The following ABHD4 variants were observed in gnomAD, a reference collection of about 807,000 sequenced individuals.
The protein encoded by ABHD4 is abhydrolase domain containing 4, N-acyl phospholipase B, also known as (Lyso)-N-acylphosphatidylethanolamine lipase.
Under a neutral mutation model 42.3 loss-of-function variants are expected in ABHD4, and 35 were observed. The ratio of observed to expected loss-of-function variants is 0.83; its 90% CI spans 0.63 to 1.10. The LOEUF (loss-of-function observed/expected upper bound fraction) is 1.10, where lower values mean the gene tolerates loss of function less well. Among genes scored for constraint, ABHD4 ranks in the 50% least tolerant of loss-of-function variants. ABHD4 has a pLI of 0.00. For synonymous variants in ABHD4, 169 were observed against 170.6 expected, an observed-to-expected ratio of 0.99 and a Z score of 0.07; for missense variants, 389 against 454.8, an observed-to-expected ratio of 0.86 and a Z score of 1.32.
intron 1 of ABHD4, 58 bp downstream of exon 1, chr14:22,598,387 G>A (rs149439691): frequency 0.03 from 46,319 of 1,551,362 alleles, 804 homozygotes; most frequent in Non-Finnish European, 0.036. Flanking sequence ...CATGATCCTG[G>A]GACTGTCTGT....
chr14:22,611,019 C>T lies in ABHD4; in HGVS notation c.*71C>T, dbSNP rs556010880. The T allele has an allele frequency of 5.6e-5, 78 of 1,383,622 alleles. No homozygotes were observed. In the African/African-American group the frequency reaches 6.7e-4, roughly 12 times the overall value. 85.7% of individuals were successfully genotyped at this position (1,383,622 alleles called of 1,614,324 possible). ...ACCTCCCTGTCTGCTTACTCACCCA[C>T]TCTGTCCTTTCCTCACCAACTAACA... On this transcript the variant is annotated 3_prime_UTR_variant, in exon 7 of 7. Transcript: ENST00000428304.
At chr14:22,598,588 G>GC in intron 1 of ABHD4, 1 of 929,012 alleles carries the variant, frequency 1.1e-6, no homozygotes, top group Non-Finnish European at 1.6e-6. Flanking sequence ...CCTCGCGAGT[G>GC]CCCCTCATTC....
chr14:22,606,886 G>A (rs948259649), intron 5 of ABHD4, among the ~76,000 whole-genome samples: 5 of 150,882 alleles, frequency 3.3e-5, no homozygotes, highest in African/African-American at 1.2e-4. Context: ...TCTTTTTTTA[G>A]GTCAAAAATA....
At chr14:22,603,244 T>C in intron 2 of ABHD4, 146 bp from the exon 3 acceptor site, 2 of 1,011,352 alleles carry the variant, frequency 2.0e-6, no homozygotes, top group Middle Eastern at 3.1e-4. Flanking sequence ...TTGTTTTCAG[T>C]GGTCAGAGGG....
At chr14:22,601,791 T>C (rs193269446) in intron 2 of ABHD4, 36 bp downstream of exon 2, 3 of 1,581,554 alleles carry the variant, frequency 1.9e-6, no homozygotes, top group South Asian at 2.2e-5. Flanking sequence ...ACCTCCCTCA[T>C]GGAGCCCAAG....
At position 22,603,778 on chromosome 14, in the gene ABHD4, C is replaced by T; in HGVS notation, c.485+16C>T. ...ACCCTGATAGGTAATAAGGAGATGG[C>T]TCCATCCCTCGTGACCTAATTCCTG... On this transcript the variant is annotated intron_variant, in intron 3 of 6. Coordinates refer to ENST00000428304, the MANE Select transcript of ABHD4 (RefSeq NM_022060.3). 1 of 1,564,530 alleles carries T rather than the reference C, an allele frequency of 6.4e-7. No homozygotes were observed.
Position 22,603,950 on chromosome 14 carries a change from C to T in ABHD4, c.511C>T (p.Pro171Ser). 6.2e-7 allele frequency: 1 copy of T among 1,614,168 alleles called. No individual in the cohort carries two copies. Among genetic ancestry groups the T allele is most frequent in the Non-Finnish European group, 8.5e-7 (1 of 1,180,026 alleles). The change falls in exon 4 of 7, where the codon CCA becomes TCA. Residue 171 changes from proline to serine, a missense_variant. Physicochemically the swap from Pro to Ser is moderately conservative, Grantham distance 74 (BLOSUM62 -1). This residue lies in a region of ABHD4 where 249 missense variants were observed against 254.4 expected (regional missense o/e 0.98). Transcript: ENST00000428304. ...DRVKHLILVDPWGFPLRPTNP... is the reference protein window; with the variant it reads ...DRVKHLILVDSWGFPLRPTNP... ...AGTTAAACACCTCATCCTGGTGGAC[C>T]CATGGGGCTTTCCCCTCCGACCAAC...
At chr14:22,602,403 G>C (rs554623016) in intron 2 of ABHD4, among the ~76,000 whole-genome samples, 8 of 152,158 alleles carry the variant, frequency 5.3e-5, no homozygotes, top group African/African-American at 1.9e-4. Context: ...TTCTGGGCCC[G>C]AGTAAGTGCA....
At chr14:22,604,189 T>A in intron 4 of ABHD4, 110 bp downstream of exon 4, 1 of 1,247,162 alleles carries the variant, frequency 8.0e-7, no homozygotes, top group Non-Finnish European at 1.1e-6. Flanking sequence ...CCTTGTTATT[T>A]AAAGCTGTTA....
Position 22,612,295 on chromosome 14 carries a change from T to A in ABHD4, c.*1347T>A, listed in dbSNP as rs919651380. On this transcript the variant is annotated 3_prime_UTR_variant, in exon 7 of 7. Transcript: ENST00000428304. ...CAGAATGGTATTAACTCCTGGTGCT[T>A]TGTACTACTGGTCCAGCTGCCCTGG... 7 of 152,690 alleles carry A rather than the reference T, an allele frequency of 4.6e-5. No individual in the cohort carries two copies. Among genetic ancestry groups the A allele is most frequent in the African/African-American group, 1.7e-4 (7 of 41,464 alleles). The allele number at this position is 152,690 out of a possible 1,614,324, so 9.5% of individuals were successfully genotyped here. A position where few individuals can be genotyped will look rare whatever the true frequency, so the allele number is the denominator to read the frequency against.
In ABHD4 at chr14:22,603,417, A is replaced by T; in HGVS notation, c.140A>T (p.Tyr47Phe). 2 of 1,613,992 alleles carry T rather than the reference A, an allele frequency of 1.2e-6. No individual in the cohort carries two copies. The highest frequency in any genetic ancestry group is 1.7e-6 in the Non-Finnish European group (2 of 1,179,998). Residue 47 changes from tyrosine (Y) to phenylalanine (F), a missense_variant, in exon 3 of 7, where the codon TAT (tyrosine) becomes TTT (phenylalanine). Tyr to Phe is a conservative substitution (Grantham distance 22). Coordinates refer to ENST00000428304, the MANE Select transcript of ABHD4 (RefSeq NM_022060.3). ...QCLQNKFLAR[Y>F]VSLPNQNKIW... Reference sequence around the variant, plus strand: ...CTCCAGAATAAGTTCCTGGCCAGATATGTATCCCTCCCAAACCAGAATAAG... The same window carrying T: ...CTCCAGAATAAGTTCCTGGCCAGATTTGTATCCCTCCCAAACCAGAATAAG...
chr14:22,605,893 G>A lies in ABHD4; in HGVS notation c.641-529G>A, dbSNP rs553736093. 1,436 of 1,206,452 alleles carry A rather than the reference G, an allele frequency of 1.2e-3. 3 individuals are homozygous for A. The highest frequency in any genetic ancestry group is 1.4e-3 in the Non-Finnish European group (1,315 of 913,126). The allele number at this position is 1,206,452 out of a possible 1,614,324, so 74.7% of individuals were successfully genotyped here. ...TATGTATACCATAATGAGGTGAAAC[G>A]AACAGATTGTTGTAAAACAGTGCCC... is the stretch of plus-strand genomic sequence containing the variant. On this transcript the variant is annotated intron_variant, in intron 4 of 6. Coordinates refer to ENST00000428304, the MANE Select transcript of ABHD4 (RefSeq NM_022060.3).
intron 1 of ABHD4, 79 bp from the exon 2 acceptor site, chr14:22,601,588 T>G: frequency 7.2e-7 from 1 of 1,392,800 alleles, no homozygotes; most frequent in Non-Finnish European, 1.0e-6. Flanking sequence ...GAGAACTCTT[T>G]TGTAACTCTC....
Position 22,609,718 on chromosome 14 carries a change from T to C in ABHD4, c.753-6T>C. On this transcript the variant is annotated splice_polypyrimidine_tract_variant and splice_region_variant and intron_variant, in intron 5 of 6. Coordinates refer to ENST00000428304, the MANE Select transcript of ABHD4 (RefSeq NM_022060.3). ...GTGAAGTTTATTGCTGTTTTGCTTT[T>C]GACAGTGGTGAGACAGCATTCAAAG... The C allele has an allele frequency of 2.5e-6, 4 of 1,612,510 alleles. No homozygotes were observed. The highest frequency in any genetic ancestry group is 1.1e-5 in the South Asian group (1 of 90,990).
chr14:22,606,303 G>A (rs2037348602), intron 4 of ABHD4, 119 bp from the exon 5 acceptor site: 4 of 705,528 alleles, frequency 5.7e-6, no homozygotes, highest in Non-Finnish European at 9.9e-6. Context: ...AATGAATAAA[G>A]CAAACAAACC....
chr14:22,608,258 G>C (rs901352180), intron 5 of ABHD4, among the ~76,000 whole-genome samples: 1 of 152,156 alleles, frequency 6.6e-6, no homozygotes, highest in African/African-American at 2.4e-5. Flanking sequence ...ATCTGTACAT[G>C]TAAAAGAGAA....
At chr14:22,602,326 T>G (rs895935509) in intron 2 of ABHD4, among the ~76,000 whole-genome samples, 8 of 152,118 alleles carry the variant, frequency 5.3e-5, no homozygotes, top group Admixed American at 5.2e-4. Context: ...CTTAAGCCAC[T>G]TCTTCCCATA....
chr14:22,610,063 CT>C (rs140776429), intron 6 of ABHD4, among the ~76,000 whole-genome samples, 153 bp downstream of exon 6: 109 of 149,586 alleles, frequency 7.3e-4, no homozygotes, highest in African/African-American at 2.4e-3. Context: ...TTTGGAATAT[CT>C]TTTTTTTTTC....
intron 1 of ABHD4, among the ~76,000 whole-genome samples, chr14:22,599,621 C>T (rs1037844918): frequency 6.6e-5 from 10 of 152,224 alleles, no homozygotes; most frequent in African/African-American, 2.4e-4. Context: ...AATTCTCCCA[C>T]CAAGGACTCT....
Sources: allele counts gnomAD v4.1 joint callset (sites outside exome capture counted in the v4.1 genomes callset), GRCh38; gene constraint gnomAD v4.1.1; regional missense constraint gnomAD v4.1.1; transcripts MANE v1.5; gene names NCBI Gene and HGNC (gene_info 2026-07-23, HGNC 2026-07-21).